Variants in HSPH1 observed in about 807,000 individuals in gnomAD.
HSPH1 encodes heat shock protein family H (Hsp110) member 1.
A neutral mutation model predicts 100.0 loss-of-function variants in HSPH1; 40 were observed. The observed-to-expected ratio is 0.40, with a 90% CI of 0.31 to 0.52. HSPH1 has a LOEUF of 0.52. HSPH1 is among the 20% of genes least tolerant of loss of function. The probability of loss-of-function intolerance (pLI) is 0.54; values close to 1 mark genes in which losing one functional copy is unlikely to be tolerated. For missense variants in HSPH1, 876 were observed against 1,015.1 expected, an observed-to-expected ratio of 0.86 and a Z score of 1.86; for synonymous variants, 403 against 344.0, an observed-to-expected ratio of 1.17 and a Z score of -1.90.
At position 31,154,675 on chromosome 13, in the gene HSPH1, A is replaced by G. The variant is rs767371637; in HGVS notation, c.387T>C (p.Ala129=). The change falls in exon 4 of 18, where the codon GCT becomes GCC. Residue 129 remains alanine, a synonymous_variant. Coordinates refer to ENST00000320027, the MANE Select transcript of HSPH1 (RefSeq NM_006644.4). ...TTACTGGTTTCTTGAGGCTGTTTTCAGCAGTTTCCTTCAGCTTAGTCAACA... is the reference window on the plus strand; with the variant it reads ...TTACTGGTTTCTTGAGGCTGTTTTCGGCAGTTTCCTTCAGCTTAGTCAACA... ...AMLLTKLKET[A]ENSLKKPVTD... is the part of the protein sequence containing the mutation. 12 of 1,613,960 alleles carry G rather than the reference A, an allele frequency of 7.4e-6. No individual in the cohort carries two copies. The Admixed American group carries it at 1.8e-4, about 25-fold the overall frequency.
Position 31,151,820 on chromosome 13 carries a change from C to CA in HSPH1, c.530-79dup, listed in dbSNP as rs1956498987. ...TCACTGTTACATAAAATTACACATG[C>CA]AGGAAGCTTGACTATTAACTTGAAA... On this transcript the variant is annotated intron_variant, in intron 5 of 17. Coordinates refer to ENST00000320027, the MANE Select transcript of HSPH1 (RefSeq NM_006644.4). The CA allele has an allele frequency of 9.4e-6, 12 of 1,279,950 alleles. No individual in the cohort carries two copies. In the South Asian group the frequency reaches 1.7e-4, roughly 18 times the overall value. The allele number at this position is 1,279,950 out of a possible 1,614,324, so 79.3% of individuals were successfully genotyped here.
chr13:31,152,933 C>T lies in HSPH1; in HGVS notation c.448G>A (p.Asp150Asn), dbSNP rs987197777. Residue 150 changes from aspartate (D) to asparagine (N), a missense_variant, in exon 5 of 18, where the codon GAT (aspartate) becomes AAT (asparagine). Asp to Asn is a conservative substitution (Grantham distance 23). Transcript: ENST00000320027. ...CVISVPSFFT[D>N]AERRSVLDAA... ...TCTAACACAGATCGCCTCTCAGCAT[C>T]TGTAAAGAAGGAGGGGACCTACAAA... 1.2e-6 allele frequency: 2 copies of T among 1,611,968 alleles called. No homozygotes were observed. The highest frequency in any genetic ancestry group is 1.7e-6 in the Non-Finnish European group (2 of 1,178,516).
At position 31,139,151 on chromosome 13, in the gene HSPH1, A is replaced by G; in HGVS notation, c.1981-44T>C. The G allele has an allele frequency of 2.5e-6, 3 of 1,195,788 alleles. No homozygotes were observed. In the East Asian group the frequency reaches 7.0e-5, roughly 28 times the overall value. The allele number at this position is 1,195,788 out of a possible 1,614,324, so 74.1% of individuals were successfully genotyped here. Reference sequence around the variant, plus strand: ...AATATTAGTGGCACTCGTACTTCAGAATTTTTCACAACAAAACAAAGAGGT... The same window carrying G: ...AATATTAGTGGCACTCGTACTTCAGGATTTTTCACAACAAAACAAAGAGGT... On this transcript the variant is annotated intron_variant, in intron 14 of 17. Coordinates refer to ENST00000320027, the MANE Select transcript of HSPH1 (RefSeq NM_006644.4).
chr13:31,141,171 A>C lies in HSPH1; in HGVS notation c.1805T>G (p.Leu602Trp). ...VNVELPIEANLVWQLGKDLLN... is the reference protein window; with the variant it reads ...VNVELPIEANWVWQLGKDLLN... ...AAGGTCTTTCCCTAACTGCCAGACC[A>C]AGTTGGCTTCAATAGGCAGCTCAAC... The change falls in exon 13 of 18, where the codon TTG becomes TGG. Residue 602 changes from leucine (L) to tryptophan (W), a missense_variant. Leu to Trp is a moderately conservative substitution (Grantham distance 61). Transcript: ENST00000320027. 2 of 1,609,408 alleles carry C rather than the reference A, an allele frequency of 1.2e-6. No individual in the cohort carries two copies. The highest frequency in any genetic ancestry group is 2.2e-5 in the East Asian group (1 of 44,782).
rs1262971243 is a variant in HSPH1 at position 31,148,484 on chromosome 13, A to G, written c.1138-4T>C. The G allele has an allele frequency of 1.0e-4, 7 of 68,276 alleles. 1 individual carries two copies. The highest frequency in any genetic ancestry group is 1.4e-4 in the African/African-American group (3 of 20,826). The allele number at this position is 68,276 out of a possible 1,614,324, so 4.2% of individuals were successfully genotyped here. On this transcript the variant is annotated splice_region_variant and splice_polypyrimidine_tract_variant and intron_variant, in intron 8 of 17. Transcript: ENST00000320027. ...ATGCCGGGGAAAGTATTGCACACTT[A>G]AAAAAAAAAAAAAAAATCATGAGCA...
intron 6 of HSPH1, 35 bp from the exon 7 acceptor site, chr13:31,151,226 T>C: frequency 6.5e-7 from 1 of 1,536,042 alleles, no homozygotes; most frequent in South Asian, 1.2e-5. Context: ...GTCTGGTTAT[T>C]TTCAATCACA....
intron 17 of HSPH1, 39 bp from the exon 18 acceptor site, chr13:31,137,563 T>C (rs765199288): frequency 1.4e-5 from 20 of 1,470,718 alleles, no homozygotes; most frequent in Admixed American, 2.0e-5. Context: ...TTAACTCAGA[T>C]CCATCCAGTT....
chr13:31,154,514 G>C lies in HSPH1; in HGVS notation c.429+119C>G, dbSNP rs774972250. 80 of 1,137,756 alleles carry C rather than the reference G, an allele frequency of 7.0e-5. No homozygotes were observed. In the Admixed American group the frequency reaches 1.3e-3, roughly 19 times the overall value. The allele number at this position is 1,137,756 out of a possible 1,614,324, so 70.5% of individuals were successfully genotyped here. ...ATGCTCTGGAACACATGTTAATACA[G>C]TCCAGTAGAACACGGTCTCTAGTAA... On this transcript the variant is annotated intron_variant, in intron 4 of 17. Transcript: ENST00000320027.
At chr13:31,160,288 A>G (rs1956850170) in intron 1 of HSPH1, among the ~76,000 whole-genome samples, 1 of 152,230 alleles carries the variant, frequency 6.6e-6, no homozygotes, top group African/African-American at 2.4e-5. Flanking sequence ...ACAAACTTAG[A>G]TCTGCAGGGG....
intron 11 of HSPH1, 123 bp downstream of exon 11, chr13:31,145,440 A>T: frequency 2.7e-6 from 2 of 732,458 alleles, no homozygotes; most frequent in Non-Finnish European, 4.5e-6. Context: ...ATCATTACCT[A>T]AAATTCTGAT....
intron 2 of HSPH1, among the ~76,000 whole-genome samples, chr13:31,157,104 G>C (rs916651178): frequency 6.6e-6 from 1 of 152,218 alleles, no homozygotes; most frequent in Non-Finnish European, 1.5e-5. Context: ...GGCAGTACTA[G>C]TTTTCAAACA....
chr13:31,150,220 C>A (rs1405732743), intron 7 of HSPH1, 38 bp from the exon 8 acceptor site: 1 of 1,382,618 alleles, frequency 7.2e-7, no homozygotes, highest in Non-Finnish European at 9.9e-7. Context: ...AAAGTTAAGA[C>A]CAATATCCTG....
Position 31,137,010 on chromosome 13 carries a change from G to T in HSPH1, c.*308C>A. The T allele has an allele frequency of 4.3e-6, 2 of 467,114 alleles. No homozygotes were observed. The highest frequency in any genetic ancestry group is 8.2e-6 in the Non-Finnish European group (2 of 242,712). The allele number at this position is 467,114 out of a possible 1,614,324, so 28.9% of individuals were successfully genotyped here. ...TTTTAATCACAGCCCTCTTGAACAA[G>T]CAGTACAGTTTTTTTTCTCCAAAAG... On this transcript the variant is annotated 3_prime_UTR_variant, in exon 18 of 18. Transcript: ENST00000320027.
intron 14 of HSPH1, 29 bp downstream of exon 14, chr13:31,140,155 C>G (rs750850284): frequency 4.4e-6 from 7 of 1,590,216 alleles, no homozygotes; most frequent in African/African-American, 1.3e-5. Context: ...ATGAGACTAT[C>G]TGAACAAAAA....
At chr13:31,143,571 A>G (rs1315711387) in intron 12 of HSPH1, among the ~76,000 whole-genome samples, 24 of 152,162 alleles carry the variant, frequency 1.6e-4, no homozygotes. Flanking sequence ...GTTAATCAAG[A>G]GAAGCTTTTA....
chr13:31,138,856 T>C lies in HSPH1; in HGVS notation c.2133A>G (p.Glu711=). ...PVKVRFQEAE[E]RPKMFEELGQ... ...CTAGTTCTTCAAACATTTTTGGCCG[T>C]TCTTCAGCTTCCTGAAACCGAACTT... is the stretch of plus-strand genomic sequence containing the variant. The change falls in exon 16 of 18, where the codon GAA becomes GAG. Residue 711 remains glutamate (E), a synonymous_variant. Coordinates refer to ENST00000320027, the MANE Select transcript of HSPH1 (RefSeq NM_006644.4). 14 of 1,610,248 alleles carry C rather than the reference T, an allele frequency of 8.7e-6. No homozygotes were observed. The highest frequency in any genetic ancestry group is 1.2e-5 in the Non-Finnish European group (14 of 1,178,092).
intron 2 of HSPH1, among the ~76,000 whole-genome samples, chr13:31,158,548 CAAAAAAAAA>C (rs11363658): frequency 1.3e-4 from 8 of 63,834 alleles, no homozygotes; most frequent in Non-Finnish European, 1.9e-4. Context: ...GACTCTATCT[CAAAAAAAAA>C]AAAAAAAAAA....
Position 31,151,736 on chromosome 13 carries a change from A to G in HSPH1, c.536T>C (p.Leu179Ser), listed in dbSNP as rs1187244049. 1 of 1,602,524 alleles carries G rather than the reference A, an allele frequency of 6.2e-7. No individual in the cohort carries two copies. The highest frequency in any genetic ancestry group is 1.8e-5 in the Admixed American group (1 of 56,894). Residue 179 changes from leucine to serine, a missense_variant, in exon 6 of 18, where the codon TTG becomes TCG. Coordinates refer to ENST00000320027, the MANE Select transcript of HSPH1 (RefSeq NM_006644.4). ...ATCCTGCTTATAAATTCCGTAATTC[A>G]AAGCAACTACAAAAAATAAGTATGT... ...RLMNDMTAVA[L>S]NYGIYKQDLP...
At position 31,149,966 on chromosome 13, in the gene HSPH1, T is replaced by A. The variant is rs747472491; in HGVS notation, c.1125A>T (p.Gly375=). The A allele has an allele frequency of 1.2e-6, 2 of 1,613,364 alleles. No individual in the cohort carries two copies. Residue 375 remains glycine (G), a synonymous_variant, in exon 8 of 18, where the codon GGA becomes GGT. Transcript: ENST00000320027. ...TLNADEAVAR[G]CALQCAILSP... is the part of the protein sequence containing the mutation. ...GTTGAGAAAGTACCTGTAATGCACA[T>A]CCTCTGGCTACTGCTTCATCTGCAT...
Sources: gnomAD v4.1 joint callset for allele counts (sites outside exome capture counted in the v4.1 genomes callset) on GRCh38, gnomAD v4.1.1 for gene constraint, MANE v1.5 for transcripts, NCBI Gene and HGNC (gene_info 2026-07-23, HGNC 2026-07-21) for gene names.